The following MTMR10 variants were observed in gnomAD, a reference collection of about 807,000 sequenced individuals.
The protein encoded by MTMR10 is myotubularin related protein 10.
MTMR10 carries 56 observed loss-of-function variants against 88.1 expected under a neutral mutation model. That is an observed-to-expected ratio of 0.64 (90% confidence interval 0.51 to 0.79). The LOEUF (loss-of-function observed/expected upper bound fraction) is 0.79, where lower values mean the gene tolerates loss of function less well. MTMR10 is among the 30% of genes least tolerant of loss of function. The pLI is 0.00. For missense variants in MTMR10, 883 were observed against 924.7 expected (o/e 0.95, Z 0.58); for synonymous variants, 380 against 340.9 (o/e 1.11, Z -1.26).
intron 7 of MTMR10, 83 bp downstream of exon 7, chr15:30,960,798 G>T: frequency 7.4e-7 from 1 of 1,357,208 alleles, no homozygotes; most frequent in Non-Finnish European, 9.6e-7. Flanking sequence ...CAACTTGAAA[G>T]TCATCAATGA....
chr15:30,973,149 T>C (rs1230411027), intron 5 of MTMR10, among the ~76,000 whole-genome samples: 3 of 152,190 alleles, frequency 2.0e-5, no homozygotes, highest in Admixed American at 2.0e-4. Context: ...GCACTTTAAA[T>C]TAGTAAAATG....
intron 14 of MTMR10, chr15:30,943,339 A>ATGTT (rs1195825896): frequency 2.0e-6 from 2 of 985,318 alleles, no homozygotes; most frequent in East Asian, 1.1e-4. Flanking sequence ...GGCAATAAGA[A>ATGTT]TGTTATTAAG....
At chr15:30,942,276 T>TTAC (rs2063080126) in intron 15 of MTMR10, 1 of 657,690 alleles carries the variant, frequency 1.5e-6, no homozygotes. Context: ...ACCTAGGCTG[T>TTAC]TACTATCAGC....
downstream of MTMR10, among the ~76,000 whole-genome samples, chr15:30,936,832 G>GT (rs2062867928): frequency 2.0e-5 from 3 of 151,140 alleles, no homozygotes; most frequent in African/African-American, 7.3e-5. Context: ...ACTGGGAGCT[G>GT]TGGCTCACTG....
At chr15:30,959,244 C>T (rs1456417934) in intron 7 of MTMR10, 123 bp from the exon 8 acceptor site, 3 of 829,536 alleles carry the variant, frequency 3.6e-6, no homozygotes, top group South Asian at 3.7e-5. Context: ...TTAGTAGCCA[C>T]ATGGTGGGCA....
chr15:30,974,863 G>A lies in MTMR10; in HGVS notation c.331+68C>T, dbSNP rs907122455. On this transcript the variant is annotated intron_variant, in intron 4 of 15. Coordinates refer to ENST00000435680, the MANE Select transcript of MTMR10 (RefSeq NM_017762.3). ...AACGCCAATCCAAGTATTTTGAGAGGTATGACTTTTCAAATAATACTTCCA... is the reference window on the plus strand; with the variant it reads ...AACGCCAATCCAAGTATTTTGAGAGATATGACTTTTCAAATAATACTTCCA... 4 of 1,122,214 alleles carry A rather than the reference G, an allele frequency of 3.6e-6. No individual in the cohort carries two copies. The Admixed American group carries it at 1.3e-4, about 37-fold the overall frequency. 69.5% of individuals were successfully genotyped at this position (1,122,214 alleles called of 1,614,324 possible). A position where few individuals can be genotyped will look rare whatever the true frequency, so the allele number is the denominator to read the frequency against.
At position 30,991,439 on chromosome 15, in the gene MTMR10, T is replaced by C. The variant is rs775306531; in HGVS notation, c.60+8A>G. On this transcript the variant is annotated splice_region_variant and intron_variant, in intron 1 of 15. Coordinates refer to ENST00000435680, the MANE Select transcript of MTMR10 (RefSeq NM_017762.3). ...AGAGTCGGGCGCTCGCGGGGAGGGG[T>C]TGTTTACCTGGGGCGGTGGCAGGAG... 3.4e-6 allele frequency: 5 copies of C among 1,478,258 alleles called. No individual in the cohort carries two copies. Among genetic ancestry groups the C allele is most frequent in the East Asian group, 2.8e-5 (1 of 36,224 alleles). The allele number at this position is 1,478,258 out of a possible 1,614,324, so 91.6% of individuals were successfully genotyped here.
intron 2 of MTMR10, among the ~76,000 whole-genome samples, chr15:30,980,178 G>A (rs2030471878): frequency 6.6e-6 from 1 of 152,220 alleles, no homozygotes; most frequent in African/African-American, 2.4e-5. Context: ...AGGTGTTTTT[G>A]ATCTGCAATG....
In MTMR10 at chr15:30,979,768, A is replaced by T. The variant is rs571170864; in HGVS notation, c.122-2813T>A. ...GCCAGATTCTTTTACTGATGCACGA[A>T]TGTTAACGTATCAAGCCTATGAACG... On this transcript the variant is annotated intron_variant, in intron 2 of 15. Transcript: ENST00000435680. Among the ~76,000 whole-genome samples, 12 of 152,342 alleles carry T rather than the reference A, an allele frequency of 7.9e-5. 1 individual carries two copies. The South Asian group carries it at 2.5e-3, about 32-fold the overall frequency.
the MTMR10 span, among the ~76,000 whole-genome samples, chr15:30,925,534 G>A: frequency 6.6e-6 from 1 of 152,206 alleles, no homozygotes; most frequent in Non-Finnish European, 1.5e-5. Flanking sequence ...CCTGAATGGG[G>A]CCTCTCAGCA....
At chr15:30,968,234 G>C (rs912332443) in intron 5 of MTMR10, 11 of 378,778 alleles carry the variant, frequency 2.9e-5, no homozygotes, top group Middle Eastern at 6.9e-4. Context: ...CACATGGCAA[G>C]TATTCAGTAA....
At chr15:30,920,499 T>C in the MTMR10 span, 1 of 1,244,732 alleles carries the variant, frequency 8.0e-7, no homozygotes, top group South Asian at 1.3e-5. Context: ...TGTCTTATAA[T>C]AAATTAACCA....
In MTMR10 at chr15:30,940,318, T is replaced by G. The variant is rs1294247050; in HGVS notation, c.*1152A>C. The G allele has an allele frequency of 1.0e-6, 1 of 985,330 alleles. No homozygotes were observed. Among genetic ancestry groups the G allele is most frequent in the African/African-American group, 1.7e-5 (1 of 57,238 alleles). The allele number at this position is 985,330 out of a possible 1,614,324, so 61.0% of individuals were successfully genotyped here. A position where few individuals can be genotyped will look rare whatever the true frequency, so the allele number is the denominator to read the frequency against. ...TTCAGATCAAGCAAACAACTGTGTCTGCTCATTCTCCTCAACTTTGCTGTC... is the reference window on the plus strand; with the variant it reads ...TTCAGATCAAGCAAACAACTGTGTCGGCTCATTCTCCTCAACTTTGCTGTC... On this transcript the variant is annotated 3_prime_UTR_variant, in exon 16 of 16. Transcript: ENST00000435680.
At position 30,940,829 on chromosome 15, in the gene MTMR10, A is replaced by G. The variant is rs1397314706; in HGVS notation, c.*641T>C. ...GTATCCTAAAGTCAAAGGCACTTCT[A>G]AGTTTAATTATCTGCAGCAAATGCT... On this transcript the variant is annotated 3_prime_UTR_variant, in exon 16 of 16. Coordinates refer to ENST00000435680, the MANE Select transcript of MTMR10 (RefSeq NM_017762.3). 17 of 988,576 alleles carry G rather than the reference A, an allele frequency of 1.7e-5. No homozygotes were observed. Among genetic ancestry groups the G allele is most frequent in the Non-Finnish European group, 1.9e-5 (16 of 831,770 alleles). 61.2% of individuals were successfully genotyped at this position (988,576 alleles called of 1,614,324 possible). A position where few individuals can be genotyped will look rare whatever the true frequency, so the allele number is the denominator to read the frequency against.
At chr15:30,981,359 TAACC>T (rs1267246605) in intron 2 of MTMR10, among the ~76,000 whole-genome samples, 1 of 152,274 alleles carries the variant, frequency 6.6e-6, no homozygotes, top group African/African-American at 2.4e-5. Context: ...GATATCACTT[TAACC>T]TGAAGTGATC....
At chr15:30,927,720 T>C in the MTMR10 span, 1 of 985,566 alleles carries the variant, frequency 1.0e-6, no homozygotes. Context: ...GGGAGAGGCA[T>C]CCATGTGGCC....
At chr15:30,928,452 T>C in the MTMR10 span, 1 of 1,521,318 alleles carries the variant, frequency 6.6e-7, no homozygotes, top group African/African-American at 1.4e-5. Flanking sequence ...TTTCTTGAAA[T>C]TGAGTGTGCA....
rs2063364920 is a variant in MTMR10 at position 30,959,010 on chromosome 15, T to C, written c.846+24A>G. 12 of 1,613,370 alleles carry C rather than the reference T, an allele frequency of 7.4e-6. 1 individual carries two copies. The highest frequency in any genetic ancestry group is 1.0e-5 in the Non-Finnish European group (12 of 1,179,474). ...TAGAAACAATGGACGTCAGCATTCA[T>C]AAAATCCAACAGAAATCACTTACTG... is the stretch of plus-strand genomic sequence containing the variant. On this transcript the variant is annotated intron_variant, in intron 8 of 15. Transcript: ENST00000435680.
At chr15:30,950,699 T>C (rs1307332675) in intron 12 of MTMR10, among the ~76,000 whole-genome samples, 1 of 152,028 alleles carries the variant, frequency 6.6e-6, no homozygotes, top group Admixed American at 6.6e-5. Context: ...TCTGCAAGCT[T>C]AAGCAACATT....
Sources: allele counts gnomAD v4.1 joint callset (sites outside exome capture counted in the v4.1 genomes callset), GRCh38; gene constraint gnomAD v4.1.1; transcripts MANE v1.5; gene names NCBI Gene and HGNC (gene_info 2026-07-23, HGNC 2026-07-21).